The following CSMD1 variants were observed in gnomAD, a reference collection of about 807,000 sequenced individuals.
The protein encoded by CSMD1 is CUB and sushi domain-containing protein 1.
Under a neutral mutation model 417.5 loss-of-function variants are expected in CSMD1, and 213 were observed. The ratio of observed to expected loss-of-function variants is 0.51; its 90% confidence interval spans 0.46 to 0.57. CSMD1 has a LOEUF of 0.57. CSMD1 is among the 20% of genes least tolerant of loss of function. CSMD1 has a pLI of 0.00. For missense variants in CSMD1, 6,923 were observed against 4,529.7 expected (o/e 1.53, Z -15.17); for synonymous variants, 2,862 against 1,736.8 (o/e 1.65, Z -16.11).
intron 5 of CSMD1, among the ~76,000 whole-genome samples, chr8:3,899,396 G>A (rs891621996): frequency 6.6e-6 from 1 of 152,288 alleles, no homozygotes; most frequent in Non-Finnish European, 1.5e-5. Context: ...TGACCCATAT[G>A]GGTATGCTGA....
At chr8:4,919,750 G>T (rs1218748666) in intron 1 of CSMD1, among the ~76,000 whole-genome samples, 7 of 152,192 alleles carry the variant, frequency 4.6e-5, no homozygotes, top group African/African-American at 1.7e-4. Flanking sequence ...CCTAGAATAA[G>T]TGATTAGCCT....
intron 3 of CSMD1, among the ~76,000 whole-genome samples, chr8:4,256,665 G>A (rs896571788): frequency 2.6e-5 from 4 of 152,142 alleles, no homozygotes; most frequent in Non-Finnish European, 4.4e-5. Flanking sequence ...GATGGCTAAT[G>A]TGACTGCAGG....
chr8:3,290,145 A>ATG (rs1563231184), intron 25 of CSMD1, among the ~76,000 whole-genome samples: 2 of 141,962 alleles, frequency 1.4e-5, no homozygotes, highest in African/African-American at 2.9e-5. Context: ...GTAGATATGC[A>ATG]GCATTATTTC....
At chr8:3,483,657 C>G (rs540991437) in intron 11 of CSMD1, among the ~76,000 whole-genome samples, 13 of 151,840 alleles carry the variant, frequency 8.6e-5, no homozygotes, top group Non-Finnish European at 1.8e-4. Flanking sequence ...CAACTGATAC[C>G]AAAGTCAGAC....
chr8:3,330,642 G>C (rs546419715), intron 23 of CSMD1, among the ~76,000 whole-genome samples: 1 of 152,218 alleles, frequency 6.6e-6, no homozygotes, highest in Admixed American at 6.5e-5. Context: ...CATAACTAAT[G>C]GGTACTAGGC....
At chr8:4,025,189 G>A (rs1004352246) in intron 4 of CSMD1, among the ~76,000 whole-genome samples, 2 of 152,192 alleles carry the variant, frequency 1.3e-5, no homozygotes, top group Admixed American at 6.5e-5. Flanking sequence ...CCCTCCTGGG[G>A]GAGTGTTCTG....
At chr8:4,839,697 C>G (rs1048713484) in intron 1 of CSMD1, among the ~76,000 whole-genome samples, 3 of 152,148 alleles carry the variant, frequency 2.0e-5, no homozygotes, top group Non-Finnish European at 2.9e-5. Flanking sequence ...TTCTCATGAA[C>G]TCAAAGATAA....
chr8:3,793,914 G>T (rs1487601963), intron 5 of CSMD1, among the ~76,000 whole-genome samples: 7 of 152,136 alleles, frequency 4.6e-5, no homozygotes, highest in Non-Finnish European at 8.8e-5. Flanking sequence ...TGGAATTGCT[G>T]TGATTCTCTT....
intron 3 of CSMD1, among the ~76,000 whole-genome samples, chr8:4,091,893 A>T (rs953007462): frequency 6.6e-6 from 1 of 152,234 alleles, no homozygotes; most frequent in African/African-American, 2.4e-5. Flanking sequence ...TAAGAACCGT[A>T]CAGAGTTTTA....
chr8:4,003,770 A>T (rs1032093247), intron 4 of CSMD1, among the ~76,000 whole-genome samples: 1 of 152,202 alleles, frequency 6.6e-6, no homozygotes, highest in South Asian at 2.1e-4. Flanking sequence ...ACGCCGGCAA[A>T]TTACTCAACT....
chr8:3,772,378 T>C (rs1409770316), intron 5 of CSMD1, among the ~76,000 whole-genome samples: 1 of 135,038 alleles, frequency 7.4e-6, no homozygotes, highest in South Asian at 2.2e-4. Context: ...TATACATATA[T>C]TCATATATTT....
intron 5 of CSMD1, among the ~76,000 whole-genome samples, chr8:3,892,309 T>G (rs879787217): frequency 6.6e-6 from 1 of 152,148 alleles, no homozygotes; most frequent in Non-Finnish European, 1.5e-5. Flanking sequence ...GCTTAATTGC[T>G]GAAAAGGGAA....
chr8:4,941,530 C>A (rs1444000126), intron 1 of CSMD1, among the ~76,000 whole-genome samples: 1 of 152,102 alleles, frequency 6.6e-6, no homozygotes, highest in Non-Finnish European at 1.5e-5. Context: ...TGTTGTGTTT[C>A]TTCTGCAGTC....
At position 3,369,285 on chromosome 8, in the gene CSMD1, G is replaced by A; in HGVS notation, c.2868C>T (p.Cys956=). ...CATGAGACACTTCAATGGTCCACGT[G>A]CAGTTTAGAGAGTTTGGATAAAAAT... ...FPDFYPNSLN[C]TWTIEVSHGK... is the part of the protein sequence containing the mutation. Residue 956 remains cysteine, a synonymous_variant, in exon 19 of 70, where the codon TGC becomes TGT. Transcript: ENST00000635120. 4 of 1,594,116 alleles carry A rather than the reference G, an allele frequency of 2.5e-6. No individual in the cohort carries two copies. Among genetic ancestry groups the A allele is most frequent in the African/African-American group, 2.7e-5 (2 of 74,568 alleles).
At chr8:4,623,668 A>G (rs1585347463) in intron 2 of CSMD1, among the ~76,000 whole-genome samples, 1 of 152,210 alleles carries the variant, frequency 6.6e-6, no homozygotes, top group East Asian at 1.9e-4. Context: ...CCATTTTTAT[A>G]TGAAGAAATG....
At chr8:3,895,696 A>C (rs1807311420) in intron 5 of CSMD1, among the ~76,000 whole-genome samples, 1 of 152,218 alleles carries the variant, frequency 6.6e-6, no homozygotes, top group Non-Finnish European at 1.5e-5. Flanking sequence ...ATTTGTATTT[A>C]GTTCCTAACT....
intron 5 of CSMD1, among the ~76,000 whole-genome samples, chr8:3,799,833 T>C (rs1275892102): frequency 6.6e-6 from 1 of 152,142 alleles, no homozygotes; most frequent in Non-Finnish European, 1.5e-5. Flanking sequence ...TAAATGGACA[T>C]GAGGCTAGGT....
At chr8:3,499,492 T>TCCACTTCA (rs1362651409) in intron 10 of CSMD1, among the ~76,000 whole-genome samples, 1 of 152,096 alleles carries the variant, frequency 6.6e-6, no homozygotes, top group Non-Finnish European at 1.5e-5. Flanking sequence ...GCAACTCCAC[T>TCCACTTCA]GCTTGGAGTG....
intron 3 of CSMD1, among the ~76,000 whole-genome samples, chr8:4,105,717 G>A (rs549387441): frequency 1.3e-5 from 2 of 152,178 alleles, no homozygotes; most frequent in South Asian, 2.1e-4. Context: ...CCCATGGCAA[G>A]ATCAACCCAC....
Sources: allele counts gnomAD v4.1 joint callset (sites outside exome capture counted in the v4.1 genomes callset), GRCh38; gene constraint gnomAD v4.1.1; transcripts MANE v1.5; gene names NCBI Gene and HGNC (gene_info 2026-07-23, HGNC 2026-07-21).